The following ELP4 variants were observed in gnomAD, a reference collection of about 807,000 sequenced individuals.
ELP4 encodes elongator acetyltransferase complex subunit 4, also known as elongator complex protein 4.
A neutral mutation model predicts 48.9 loss-of-function variants in ELP4; 51 were observed. That is an observed-to-expected ratio of 1.04 (90% CI 0.83 to 1.32). ELP4 has a LOEUF of 1.32. Among genes scored for constraint, ELP4 ranks in the 40% most tolerant of loss-of-function variants. ELP4 has a pLI of 0.00. For missense variants in ELP4, 519 were observed against 514.6 expected (o/e 1.01, Z -0.08); for synonymous variants, 210 against 189.2 (o/e 1.11, Z -0.90).
At chr11:31,756,938 G>A (rs1008410196) in intron 9 of ELP4, among the ~76,000 whole-genome samples, 1 of 152,192 alleles carries the variant, frequency 6.6e-6, no homozygotes, top group Non-Finnish European at 1.5e-5. Flanking sequence ...CAGATTAAGA[G>A]TATGAAGTGC....
intron 5 of ELP4, among the ~76,000 whole-genome samples, chr11:31,610,215 A>G (rs1957952114): frequency 6.6e-6 from 1 of 152,220 alleles, no homozygotes; most frequent in Non-Finnish European, 1.5e-5. Context: ...GGCATCATGT[A>G]AGTGTGAAGA....
chr11:31,749,783 A>G (rs974232999), intron 9 of ELP4, among the ~76,000 whole-genome samples: 3 of 152,206 alleles, frequency 2.0e-5, no homozygotes, highest in African/African-American at 7.2e-5. Flanking sequence ...AACTAAATAG[A>G]TGCATTTCTT....
chr11:31,558,541 G>A (rs189473698), intron 3 of ELP4, among the ~76,000 whole-genome samples: 15 of 152,160 alleles, frequency 9.9e-5, no homozygotes, highest in Non-Finnish European at 2.9e-5. Flanking sequence ...GTGATAGGAC[G>A]TTTATTCTCA....
intron 1 of ELP4, among the ~76,000 whole-genome samples, chr11:31,518,766 G>T (rs1455993652): frequency 6.6e-6 from 1 of 151,524 alleles, no homozygotes; most frequent in African/African-American, 2.4e-5. Flanking sequence ...TGTAGTGGTG[G>T]GTGCCTGTAA....
Position 31,731,567 on chromosome 11 carries a change from GGTGTGT to G in ELP4, c.1144-51797_1144-51792del, listed in dbSNP as rs148076836. On this transcript the variant is annotated intron_variant, in intron 9 of 9. Coordinates refer to ENST00000640961, the MANE Select transcript of ELP4 (RefSeq NM_019040.5). ...GGGACTTATGGTACACCATTAAGCAGGTGTGTGTGTGTGTGTGTGTGTGTGTGTGTG... is the reference window on the plus strand; with the variant it reads ...GGGACTTATGGTACACCATTAAGCAGGTGTGTGTGTGTGTGTGTGTGTGTG... Among the ~76,000 whole-genome samples, 34 of 142,864 alleles carry G rather than the reference GGTGTGT, an allele frequency of 2.4e-4. 1 individual carries two copies. Among genetic ancestry groups the G allele is most frequent in the East Asian group, 1.6e-3 (8 of 4,872 alleles). 93.7% of individuals were successfully genotyped at this position (142,864 alleles called of 152,430 possible).
intron 1 of ELP4, among the ~76,000 whole-genome samples, chr11:31,515,275 T>C (rs1956090618): frequency 6.6e-6 from 1 of 152,210 alleles, no homozygotes; most frequent in Admixed American, 6.5e-5. Flanking sequence ...TGAGAAGATA[T>C]TTGGTGATAA....
intron 3 of ELP4, among the ~76,000 whole-genome samples, chr11:31,569,092 A>G (rs1422186648): frequency 6.6e-6 from 1 of 152,104 alleles, no homozygotes; most frequent in South Asian, 2.1e-4. Context: ...CTCAAAAAAA[A>G]AAATAAAAAA....
intron 2 of ELP4, among the ~76,000 whole-genome samples, chr11:31,527,119 A>C (rs1392658507): frequency 1.3e-5 from 2 of 151,978 alleles, no homozygotes; most frequent in Non-Finnish European, 2.9e-5. Context: ...TGATGTTGTT[A>C]ATCACTCTTT....
At chr11:31,629,153 T>C (rs574678494) in intron 6 of ELP4, among the ~76,000 whole-genome samples, 2 of 152,106 alleles carry the variant, frequency 1.3e-5, no homozygotes, top group African/African-American at 4.8e-5. Flanking sequence ...GCGGTCATAA[T>C]TTCATTTAAG....
Position 31,632,217 on chromosome 11 carries a change from A to G in ELP4, c.739A>G (p.Lys247Glu), listed in dbSNP as rs766177542. Residue 247 changes from lysine (K) to glutamate (E), a missense_variant and splice_region_variant, in exon 7 of 10, where the codon AAA becomes GAA. Coordinates refer to ENST00000640961, the MANE Select transcript of ELP4 (RefSeq NM_019040.5). ...EEGFDGSNPQKKQRNILRIGI... is the reference protein window; with the variant it reads ...EEGFDGSNPQEKQRNILRIGI... Reference sequence around the variant, plus strand: ...TTGCTTTTTTCCCACTTTCTTTTAGAAAAAACAGAGAAACATTTTAAGAAT... The same window carrying G: ...TTGCTTTTTTCCCACTTTCTTTTAGGAAAAACAGAGAAACATTTTAAGAAT... The G allele has an allele frequency of 1.3e-6, 2 of 1,595,972 alleles. No homozygotes were observed. Among genetic ancestry groups the G allele is most frequent in the Non-Finnish European group, 1.7e-6 (2 of 1,174,370 alleles).
chr11:31,668,721 T>TGTGTGTGTGTGTGTGTGTG (rs1565103640), intron 9 of ELP4, among the ~76,000 whole-genome samples: 6 of 92,580 alleles, frequency 6.5e-5, no homozygotes, highest in Admixed American at 2.2e-4. Flanking sequence ...TGTGTGTGTG[T>TGTGTGTGTGTGTGTGTGTG]AAGAACCCTG....
At chr11:31,708,612 C>T (rs1175045764) in intron 9 of ELP4, among the ~76,000 whole-genome samples, 1 of 151,912 alleles carries the variant, frequency 6.6e-6, no homozygotes, top group Non-Finnish European at 1.5e-5. Flanking sequence ...TAAACTGGTG[C>T]TTGTTAAGCT....
intron 4 of ELP4, among the ~76,000 whole-genome samples, chr11:31,603,087 G>GT (rs1957811940): frequency 6.6e-6 from 1 of 151,868 alleles, no homozygotes; most frequent in Non-Finnish European, 1.5e-5. Flanking sequence ...GAAATTGTTA[G>GT]TAGAGAACAC....
At position 31,632,244 on chromosome 11, in the gene ELP4, G is replaced by C; in HGVS notation, c.766G>C (p.Gly256Arg). Residue 256 changes from glycine to arginine, a missense_variant, in exon 7 of 10, where the codon GGA becomes CGA. By Grantham distance (125) the Gly-to-Arg change is moderately radical. Transcript: ENST00000640961. ...AAAACAGAGAAACATTTTAAGAATAGGAATTCAGAATCTTGGCTCACCTTT... is the reference window on the plus strand; with the variant it reads ...AAAACAGAGAAACATTTTAAGAATACGAATTCAGAATCTTGGCTCACCTTT... ...QKKQRNILRIGIQNLGSPLWG... is the reference protein window; with the variant it reads ...QKKQRNILRIRIQNLGSPLWG... The C allele has an allele frequency of 1.2e-6, 2 of 1,602,794 alleles. No individual in the cohort carries two copies. The highest frequency in any genetic ancestry group is 8.5e-7 in the Non-Finnish European group (1 of 1,176,804).
intron 9 of ELP4, among the ~76,000 whole-genome samples, chr11:31,745,828 T>C (rs1947576749): frequency 1.3e-5 from 2 of 152,172 alleles, no homozygotes; most frequent in Admixed American, 1.3e-4. Flanking sequence ...GACATAAGCA[T>C]GGGCAAGGAC....
At chr11:31,518,241 G>A (rs1301208824) in intron 1 of ELP4, among the ~76,000 whole-genome samples, 1 of 151,524 alleles carries the variant, frequency 6.6e-6, no homozygotes, top group Non-Finnish European at 1.5e-5. Context: ...TGCGTAGCTG[G>A]GATTACAGGC....
intron 3 of ELP4, among the ~76,000 whole-genome samples, chr11:31,547,496 A>T (rs549710558): frequency 1.3e-5 from 2 of 152,206 alleles, no homozygotes; most frequent in Non-Finnish European, 2.9e-5. Flanking sequence ...AATAATCAAT[A>T]GCTTACCAAC....
intron 2 of ELP4, among the ~76,000 whole-genome samples, chr11:31,529,200 C>T (rs963073252): frequency 2.0e-5 from 3 of 151,744 alleles, no homozygotes; most frequent in Non-Finnish European, 2.9e-5. Context: ...AGTTAGTGCT[C>T]AATAATATTA....
At chr11:31,638,720 T>G (rs1446766751) in intron 7 of ELP4, among the ~76,000 whole-genome samples, 1 of 151,864 alleles carries the variant, frequency 6.6e-6, no homozygotes, top group East Asian at 1.9e-4. Context: ...GTAGAGAAAT[T>G]CAGAACAAAC....
Sources: allele counts gnomAD v4.1 joint callset (sites outside exome capture counted in the v4.1 genomes callset), GRCh38; gene constraint gnomAD v4.1.1; transcripts MANE v1.5; gene names NCBI Gene and HGNC (gene_info 2026-07-23, HGNC 2026-07-21).